GPR39: variants seen among roughly 807,000 people sequenced by gnomAD.
GPR39 encodes zinc sensing receptor.
Under a neutral mutation model 18.4 loss-of-function variants are expected in GPR39, and 23 were observed. The ratio of observed to expected loss-of-function variants is 1.25; its 90% CI spans 0.90 to 1.77. The LOEUF (loss-of-function observed/expected upper bound fraction) is 1.77, where lower values mean the gene tolerates loss of function less well. Among genes scored for constraint, GPR39 ranks in the 40% most tolerant of loss-of-function variants. The pLI is 0.00. For missense variants in GPR39, 647 were observed against 602.4 expected (o/e 1.07, Z -0.78); for synonymous variants, 280 against 257.9 (o/e 1.09, Z -0.82).
At chr2:132,501,139 T>C (rs967247146) in intron 1 of GPR39, among the ~76,000 whole-genome samples, 24 of 150,188 alleles carry the variant, frequency 1.6e-4, no homozygotes, top group African/African-American at 5.6e-4. Context: ...GGTTTGGGTT[T>C]GGATTGTTCT....
intron 1 of GPR39, among the ~76,000 whole-genome samples, chr2:132,589,715 G>T (rs973217656): frequency 6.6e-6 from 1 of 152,166 alleles, no homozygotes; most frequent in Non-Finnish European, 1.5e-5. Context: ...CAGCTTAAGG[G>T]ATCAGTATTT....
intron 1 of GPR39, among the ~76,000 whole-genome samples, chr2:132,611,328 A>G (rs1221055585): frequency 6.6e-6 from 1 of 152,178 alleles, no homozygotes; most frequent in East Asian, 1.9e-4. Context: ...TAACCACGCC[A>G]GGTGGTGAAG....
At chr2:132,591,592 A>G (rs1239264745) in intron 1 of GPR39, among the ~76,000 whole-genome samples, 3 of 152,174 alleles carry the variant, frequency 2.0e-5, no homozygotes, top group African/African-American at 7.2e-5. Flanking sequence ...CCTTTCATGT[A>G]TACATCTATC....
chr2:132,550,023 G>A (rs1680015366), intron 1 of GPR39, among the ~76,000 whole-genome samples: 1 of 114,470 alleles, frequency 8.7e-6, no homozygotes, highest in African/African-American at 3.4e-5. Flanking sequence ...GGGAGACAGA[G>A]TATTCTGAAA....
chr2:132,583,825 C>T (rs1295320979), intron 1 of GPR39, among the ~76,000 whole-genome samples: 2 of 151,528 alleles, frequency 1.3e-5, no homozygotes, highest in African/African-American at 2.4e-5. Context: ...GCTGCAGCCA[C>T]AGCACAGCAA....
intron 1 of GPR39, among the ~76,000 whole-genome samples, chr2:132,467,397 T>G (rs1204886053): frequency 6.6e-6 from 1 of 152,074 alleles, no homozygotes; most frequent in Non-Finnish European, 1.5e-5. Context: ...CAGCAGAAAC[T>G]GAGGACTACT....
At chr2:132,627,857 C>A (rs971816362) in intron 1 of GPR39, among the ~76,000 whole-genome samples, 7 of 152,172 alleles carry the variant, frequency 4.6e-5, no homozygotes, top group African/African-American at 1.7e-4. Context: ...TCTCTGGATC[C>A]CCCTTTCCTC....
chr2:132,553,428 A>G (rs1012233008), intron 1 of GPR39, among the ~76,000 whole-genome samples: 1 of 151,386 alleles, frequency 6.6e-6, no homozygotes, highest in African/African-American at 2.4e-5. Flanking sequence ...ACACAAATAT[A>G]TACATATATA....
intron 1 of GPR39, among the ~76,000 whole-genome samples, chr2:132,518,102 T>A (rs1285968682): frequency 6.6e-6 from 1 of 152,236 alleles, no homozygotes; most frequent in Non-Finnish European, 1.5e-5. Context: ...ATTAGCTCAG[T>A]GAAGACTTGG....
At chr2:132,513,029 C>T (rs1319086479) in intron 1 of GPR39, among the ~76,000 whole-genome samples, 1 of 152,148 alleles carries the variant, frequency 6.6e-6, no homozygotes, top group Admixed American at 6.5e-5. Context: ...TCAGCTTGGG[C>T]TGCAATCACC....
chr2:132,542,544 G>T (rs1316406705), intron 1 of GPR39, among the ~76,000 whole-genome samples: 1 of 152,196 alleles, frequency 6.6e-6, no homozygotes, highest in African/African-American at 2.4e-5. Context: ...TCCTATCATA[G>T]ACCTGGAAGG....
intron 1 of GPR39, among the ~76,000 whole-genome samples, chr2:132,419,550 C>T (rs1045676400): frequency 2.0e-5 from 3 of 152,244 alleles, no homozygotes; most frequent in Non-Finnish European, 2.9e-5. Flanking sequence ...ACTTGGGAAG[C>T]GTACCCAACT....
At chr2:132,489,382 G>A (rs974904245) in intron 1 of GPR39, among the ~76,000 whole-genome samples, 38 of 152,106 alleles carry the variant, frequency 2.5e-4, no homozygotes, top group Non-Finnish European at 8.8e-5. Flanking sequence ...CTCCTGGGCC[G>A]GGGACTTGCT....
At chr2:132,570,706 G>A (rs1006019408) in intron 1 of GPR39, among the ~76,000 whole-genome samples, 14 of 152,162 alleles carry the variant, frequency 9.2e-5, no homozygotes, top group Admixed American at 6.5e-4. Flanking sequence ...CCTCGGCAGT[G>A]TGGCTTCCTC....
chr2:132,511,000 T>A (rs1679231465), intron 1 of GPR39, among the ~76,000 whole-genome samples: 1 of 152,224 alleles, frequency 6.6e-6, no homozygotes, highest in Non-Finnish European at 1.5e-5. Flanking sequence ...CAAAATGTAT[T>A]ATTTGCAGAC....
At chr2:132,499,123 G>A (rs537212009) in intron 1 of GPR39, among the ~76,000 whole-genome samples, 1 of 152,220 alleles carries the variant, frequency 6.6e-6, no homozygotes, top group East Asian at 1.9e-4. Context: ...TGGTCATGAA[G>A]GCTTTGCCTA....
At chr2:132,566,236 T>A (rs1680348019) in intron 1 of GPR39, among the ~76,000 whole-genome samples, 1 of 147,374 alleles carries the variant, frequency 6.8e-6, no homozygotes, top group African/African-American at 2.5e-5. Flanking sequence ...TCACCCACTT[T>A]TTGATGGGGT....
chr2:132,568,404 T>C (rs1680387859), intron 1 of GPR39, among the ~76,000 whole-genome samples: 2 of 152,058 alleles, frequency 1.3e-5, no homozygotes, highest in Admixed American at 6.6e-5. Flanking sequence ...CATGATGCAA[T>C]GTTAAAAACA....
chr2:132,636,920 A>G (rs564934129), intron 1 of GPR39, among the ~76,000 whole-genome samples: 49 of 151,726 alleles, frequency 3.2e-4, no homozygotes, highest in African/African-American at 1.1e-3. Flanking sequence ...ACCACCACCC[A>G]CTCCTGTGCT....
Sources: gnomAD v4.1 joint callset for allele counts (sites outside exome capture counted in the v4.1 genomes callset) on GRCh38, gnomAD v4.1.1 for gene constraint, MANE v1.5 for transcripts, NCBI Gene and HGNC (gene_info 2026-07-23, HGNC 2026-07-21) for gene names.